The following DMXL1 variants were observed in gnomAD, a reference collection of about 807,000 sequenced individuals.
DMXL1 encodes the protein dmX-like protein 1.
In DMXL1, 99 loss-of-function variants were observed where a neutral mutation model predicts 319.2. The observed-to-expected ratio is 0.31, with a 90% CI of 0.26 to 0.37. The LOEUF (loss-of-function observed/expected upper bound fraction) is 0.37, where lower values mean the gene tolerates loss of function less well. DMXL1 is among the 10% of genes least tolerant of loss of function. DMXL1 has a pLI of 1.00. For synonymous variants in DMXL1, 1,385 were observed against 1,235.2 expected (o/e 1.12, Z -2.54); for missense variants, 3,745 against 3,595.6 (o/e 1.04, Z -1.06).
rs779269758 is a variant in DMXL1, at chr5:119,203,432, A to G, written c.7859A>G (p.Asn2620Ser). The G allele has an allele frequency of 1.1e-5, 18 of 1,575,608 alleles. No homozygotes were observed. Among genetic ancestry groups the G allele is most frequent in the Non-Finnish European group, 1.6e-5 (18 of 1,152,438 alleles). ...ATATTCACAAAGAAACGGTGTCTAA[A>G]TGAGGTCTGTATAAGTTAAAACCTG... ...KNIFTKKRCL[N>S]ESLEDNSETI... The change falls in exon 33 of 44, where the codon AAT becomes AGT. Residue 2620 changes from asparagine (N) to serine (S), a missense_variant. Asn to Ser is a conservative substitution (Grantham distance 46, BLOSUM62 1). Coordinates refer to ENST00000539542, the MANE Select transcript of DMXL1 (RefSeq NM_001290321.3).
chr5:119,151,924 T>C lies in DMXL1; in HGVS notation c.4595-5T>C, dbSNP rs753565146. 8 of 1,605,842 alleles carry C rather than the reference T, an allele frequency of 5.0e-6. No individual in the cohort carries two copies. The Admixed American group carries it at 1.3e-4, about 27-fold the overall frequency. On this transcript the variant is annotated splice_polypyrimidine_tract_variant and splice_region_variant and intron_variant, in intron 18 of 43. Transcript: ENST00000539542. ...ATACATTGCTTCCCCTTTCTCCCAT[T>C]GCAGGTGGAGAAACTCTTGATGAAT...
At chr5:119,105,847 A>C (rs1328231586) in intron 4 of DMXL1, among the ~76,000 whole-genome samples, 2 of 151,368 alleles carry the variant, frequency 1.3e-5, no homozygotes. Context: ...CAGTGAGCTG[A>C]GCTCATGCCA....
intron 29 of DMXL1, among the ~76,000 whole-genome samples, chr5:119,193,596 C>T (rs751871232): frequency 2.6e-5 from 4 of 151,856 alleles, no homozygotes; most frequent in African/African-American, 7.3e-5. Flanking sequence ...TTCTTAAATC[C>T]GGTAGAATTC....
At chr5:119,223,945 A>C (rs1450815727) in intron 37 of DMXL1, among the ~76,000 whole-genome samples, 1 of 152,154 alleles carries the variant, frequency 6.6e-6, no homozygotes, top group Non-Finnish European at 1.5e-5. Flanking sequence ...TCATTTTATC[A>C]AATGATAAAA....
rs150596632 is a variant in DMXL1, at chr5:119,231,910, C to T, written c.8339-1430C>T. Among the ~76,000 whole-genome samples, 29 of 152,216 alleles carry T rather than the reference C, an allele frequency of 1.9e-4. 1 individual carries two copies. In the East Asian group the frequency reaches 5.4e-3, roughly 28 times the overall value. On this transcript the variant is annotated intron_variant, in intron 38 of 43. Coordinates refer to ENST00000539542, the MANE Select transcript of DMXL1 (RefSeq NM_001290321.3). ...ACATTGAATTGAGTTTTGATTTGCTCGTATAGGCATGCAAGGCCCTGGAGC... is the reference window on the plus strand; with the variant it reads ...ACATTGAATTGAGTTTTGATTTGCTTGTATAGGCATGCAAGGCCCTGGAGC...
chr5:119,197,632 A>G, intron 31 of DMXL1, 123 bp from the exon 32 acceptor site: 5 of 803,134 alleles, frequency 6.2e-6, no homozygotes, highest in East Asian at 2.6e-5. Flanking sequence ...GTATGTTAAT[A>G]TTTCATCTCA....
chr5:119,123,614 C>T (rs1762805390), intron 9 of DMXL1, among the ~76,000 whole-genome samples: 1 of 151,996 alleles, frequency 6.6e-6, no homozygotes, highest in Non-Finnish European at 1.5e-5. Context: ...GATATTTGAA[C>T]TGTTACTTAA....
At chr5:119,081,770 AC>A in intron 1 of DMXL1, 2 of 968,248 alleles carry the variant, frequency 2.1e-6, no homozygotes, top group Non-Finnish European at 2.5e-6. Context: ...TTTTGTTCTT[AC>A]GTGTATTTGA....
intron 39 of DMXL1, among the ~76,000 whole-genome samples, chr5:119,234,332 A>G (rs570008461): frequency 1.5e-3 from 229 of 152,206 alleles, no homozygotes; most frequent in African/African-American, 5.0e-3. Flanking sequence ...TAAAGAGTAA[A>G]TCAGTCTTCT....
intron 1 of DMXL1, among the ~76,000 whole-genome samples, chr5:119,077,212 G>C (rs915034859): frequency 6.9e-6 from 1 of 145,238 alleles, no homozygotes; most frequent in African/African-American, 2.9e-5. Flanking sequence ...GACTGGTTTG[G>C]AACTCCTGGG....
At chr5:119,077,769 G>GTA (rs1408775516) in intron 1 of DMXL1, among the ~76,000 whole-genome samples, 1 of 143,072 alleles carries the variant, frequency 7.0e-6, no homozygotes, top group African/African-American at 2.6e-5. Context: ...GTGTGTGTGT[G>GTA]TGTGTGTGTG....
chr5:119,159,546 C>G (rs959009382), intron 19 of DMXL1, among the ~76,000 whole-genome samples: 1 of 152,226 alleles, frequency 6.6e-6, no homozygotes, highest in African/African-American at 2.4e-5. Context: ...TGGCATATAT[C>G]TGCATATTAA....
intron 32 of DMXL1, among the ~76,000 whole-genome samples, chr5:119,198,910 A>G (rs1486869481): frequency 6.6e-6 from 1 of 152,194 alleles, no homozygotes; most frequent in Middle Eastern, 3.4e-3. Flanking sequence ...TTTTGGAGAC[A>G]AAGTCTTGCT....
rs540244273 is a variant in DMXL1 at position 119,194,757 on chromosome 5, A to T, written c.7457+787A>T. Among the ~76,000 whole-genome samples, 28 of 152,288 alleles carry T rather than the reference A, an allele frequency of 1.8e-4. No individual in the cohort carries two copies. In the South Asian group the frequency reaches 2.5e-3, roughly 14 times the overall value. On this transcript the variant is annotated intron_variant, in intron 30 of 43. Coordinates refer to ENST00000539542, the MANE Select transcript of DMXL1 (RefSeq NM_001290321.3). The stretch of plus-strand genomic sequence containing the variant: ...CTCAACAACAAAAAGGTAAATAATT[A>T]AAAAAATGAACAAAGGGCTGGGCAT...
intron 27 of DMXL1, 36 bp from the exon 28 acceptor site, chr5:119,177,960 A>G (rs373841151): frequency 3.9e-6 from 6 of 1,525,976 alleles, no homozygotes; most frequent in South Asian, 1.3e-5. Flanking sequence ...TTAAAAATTT[A>G]TAGTCAGTGA....
chr5:119,109,289 C>T (rs1052953726), intron 4 of DMXL1, among the ~76,000 whole-genome samples: 3 of 152,150 alleles, frequency 2.0e-5, no homozygotes, highest in Non-Finnish European at 4.4e-5. Context: ...TGGAAAAATG[C>T]ACATATTGTA....
At chr5:119,214,403 G>C (rs1005591123) in intron 34 of DMXL1, among the ~76,000 whole-genome samples, 1 of 152,118 alleles carries the variant, frequency 6.6e-6, no homozygotes, top group African/African-American at 2.4e-5. Flanking sequence ...TTTTCTGATA[G>C]TCATTCTCAA....
intron 38 of DMXL1, among the ~76,000 whole-genome samples, chr5:119,228,291 G>C (rs1238013389): frequency 6.6e-6 from 1 of 152,170 alleles, no homozygotes; most frequent in Non-Finnish European, 1.5e-5. Flanking sequence ...GTTACTTGCA[G>C]ACACTTTCAG....
In DMXL1 at chr5:119,177,356, G is replaced by T; in HGVS notation, c.6759-1G>T. ...ATTTAAATATTGTTTTTTTCTCTTAGTTCATTTCAGACGAATCAGTTTACT... is the reference window on the plus strand; with the variant it reads ...ATTTAAATATTGTTTTTTTCTCTTATTTCATTTCAGACGAATCAGTTTACT... On this transcript the variant is annotated splice_acceptor_variant, in intron 26 of 43. Transcript: ENST00000539542. LOFTEE classifies it high-confidence loss of function. The T allele has an allele frequency of 6.6e-7, 1 of 1,523,162 alleles. No individual in the cohort carries two copies. 94.4% of individuals were successfully genotyped at this position (1,523,162 alleles called of 1,614,324 possible).
Sources: gnomAD v4.1 joint callset for allele counts (sites outside exome capture counted in the v4.1 genomes callset) on GRCh38, gnomAD v4.1.1 for gene constraint, MANE v1.5 for transcripts, NCBI Gene and HGNC (gene_info 2026-07-23, HGNC 2026-07-21) for gene names.